SEMA4D: variants seen among roughly 807,000 people sequenced by gnomAD.
The protein encoded by SEMA4D is semaphorin-4D.
Under a neutral mutation model 74.8 loss-of-function variants are expected in SEMA4D, and 22 were observed. That is an observed-to-expected ratio of 0.29 (90% CI 0.21 to 0.42). The LOEUF (loss-of-function observed/expected upper bound fraction) is 0.42. SEMA4D is among the 10% of genes least tolerant of loss of function. The pLI is 1.00. For missense variants in SEMA4D, 937 were observed against 1,118.4 expected, an observed-to-expected ratio of 0.84 and a Z score of 2.31; for synonymous variants, 445 against 463.7, an observed-to-expected ratio of 0.96 and a Z score of 0.52.
intron 16 of SEMA4D, among the ~76,000 whole-genome samples, chr9:89,372,152 CGGGTGTGTGTGTGGG>C (rs1355339630): frequency 5.5e-5 from 1 of 18,318 alleles, no homozygotes; most frequent in Non-Finnish European, 8.9e-5. Flanking sequence ...TGGTGTGTGT[CGGGTGTGTGTGTGGG>C]GGGTGTGATG....
chr9:89,427,080 A>G (rs1220960903), intron 2 of SEMA4D, among the ~76,000 whole-genome samples: 1 of 152,184 alleles, frequency 6.6e-6, no homozygotes, highest in Non-Finnish European at 1.5e-5. Context: ...GCTGAATGTC[A>G]CAAGCCCAGT....
At chr9:89,383,929 T>G (rs1410104756) in intron 13 of SEMA4D, among the ~76,000 whole-genome samples, 3 of 152,066 alleles carry the variant, frequency 2.0e-5, no homozygotes, top group Admixed American at 6.5e-5. Flanking sequence ...GCTCTCATGC[T>G]CCCATCTCTG....
chr9:89,363,602 T>G, intron 17 of SEMA4D: 1 of 1,600,250 alleles, frequency 6.2e-7, no homozygotes, highest in Middle Eastern at 1.7e-4. Context: ...CTGGCCACCT[T>G]TCTCAATGGA....
rs763710737 is a variant in SEMA4D, at chr9:89,386,871, C to T, written c.1331-389G>A. On this transcript the variant is annotated intron_variant, in intron 12 of 15. Transcript: ENST00000422704. Reference sequence around the variant, plus strand: ...GAGGACAGGGGGCATGTGAGGTTGGCTGGGAGGCTCCAAGGGCAGGCCACA... The same window carrying T: ...GAGGACAGGGGGCATGTGAGGTTGGTTGGGAGGCTCCAAGGGCAGGCCACA... The T allele has an allele frequency of 1.3e-5, 3 of 222,480 alleles. No individual in the cohort carries two copies. The South Asian group carries it at 1.8e-4, about 14-fold the overall frequency. 13.8% of individuals were successfully genotyped at this position (222,480 alleles called of 1,614,324 possible).
Position 89,427,650 on chromosome 9 carries a change from G to C in SEMA4D, c.-243-21951C>G, listed in dbSNP as rs1848384684. Among the ~76,000 whole-genome samples, 3 of 152,246 alleles carry C rather than the reference G, an allele frequency of 2.0e-5. No individual in the cohort carries two copies. The South Asian group carries it at 6.2e-4, about 31-fold the overall frequency. ...ACCCCCCGGTCAGCAGCACCTGCAA[G>C]TGGCATTTAGTGGGGCTGACTTCAA... On this transcript the variant is annotated intron_variant, in intron 2 of 15. Coordinates refer to ENST00000422704, the MANE Select transcript of SEMA4D (RefSeq NM_001371194.2).
chr9:89,363,942 C>G (rs78977040), exon 17 of SEMA4D: 2 of 1,614,046 alleles, frequency 1.2e-6, no homozygotes, highest in Non-Finnish European at 1.7e-6. Context: ...AAGCGAATGT[C>G]TGCAGGACCT....
intron 4 of SEMA4D, 23 bp from the exon 5 acceptor site, chr9:89,399,361 A>G (rs374113958): frequency 1.3e-5 from 21 of 1,564,108 alleles, no homozygotes; most frequent in Non-Finnish European, 1.7e-5. Context: ...AGTCCATATC[A>G]GTGCATATTC....
chr9:89,429,368 A>C (rs1229207501), intron 2 of SEMA4D, among the ~76,000 whole-genome samples: 1 of 152,210 alleles, frequency 6.6e-6, no homozygotes, highest in East Asian at 1.9e-4. Context: ...GGGGGCTGTG[A>C]AGACAGTAAT....
intron 7 of SEMA4D, among the ~76,000 whole-genome samples, chr9:89,393,107 T>C (rs574506037): frequency 6.6e-6 from 1 of 152,218 alleles, no homozygotes; most frequent in Non-Finnish European, 1.5e-5. Flanking sequence ...GATAATTTCA[T>C]GCTCCATGTT....
intron 2 of SEMA4D, among the ~76,000 whole-genome samples, chr9:89,435,357 C>A (rs939324724): frequency 6.6e-6 from 1 of 152,224 alleles, no homozygotes; most frequent in African/African-American, 2.4e-5. Flanking sequence ...GGATTACAAG[C>A]ATCCCCATTC....
rs754772535 is a variant in SEMA4D at position 89,402,910 on chromosome 9, G to A, written c.213C>T (p.Phe71=). 1.9e-5 allele frequency: 31 copies of A among 1,613,990 alleles called. No homozygotes were observed. The East Asian group carries it at 2.7e-4, about 14-fold the overall frequency. ...TLYIGAREAV[F]AVNALNISEK... ...CGGAGATGTTGAGTGCGTTCACAGC[G>A]AAGACCGCCTCCCGGGCACCTATGT... is the stretch of plus-strand genomic sequence containing the variant. The change falls in exon 4 of 16, where the codon TTC becomes TTT. Residue 71 remains phenylalanine, a synonymous_variant. Coordinates refer to ENST00000422704, the MANE Select transcript of SEMA4D (RefSeq NM_001371194.2).
At chr9:89,372,409 C>T (rs1311709138), downstream of SEMA4D, among the ~76,000 whole-genome samples, 1 of 137,102 alleles carries the variant, frequency 7.3e-6, no homozygotes. Flanking sequence ...GTGTGTGTGT[C>T]TGGGGTGTGG....
At chr9:89,459,124 C>T (rs1005810331) in intron 1 of SEMA4D, among the ~76,000 whole-genome samples, 1 of 152,208 alleles carries the variant, frequency 6.6e-6, no homozygotes, top group African/African-American at 2.4e-5. Flanking sequence ...GCCATCGCAG[C>T]CTCCTAGAGA....
In SEMA4D at chr9:89,405,664, C is replaced by T; in HGVS notation, c.-208G>A. 7.1e-7 allele frequency: 1 copy of T among 1,417,472 alleles called. No individual in the cohort carries two copies. The highest frequency in any genetic ancestry group is 1.6e-5 in the South Asian group (1 of 63,338). The allele number at this position is 1,417,472 out of a possible 1,614,324, so 87.8% of individuals were successfully genotyped here. The stretch of plus-strand genomic sequence containing the variant: ...CGCTCTCACCACCGCAATGTCAAAG[C>T]CCACTTGATACTTCTTCAGGGCCTC... On this transcript the variant is annotated 5_prime_UTR_variant, in exon 3 of 16. Transcript: ENST00000422704.
intron 16 of SEMA4D, among the ~76,000 whole-genome samples, chr9:89,372,097 G>A (rs1483176647): frequency 1.8e-5 from 1 of 57,042 alleles, no homozygotes; most frequent in Admixed American, 1.7e-4. Flanking sequence ...GTGTGTGTGG[G>A]GGGTGTGATG....
chr9:89,397,411 T>C (rs963225804), intron 5 of SEMA4D, among the ~76,000 whole-genome samples: 2 of 152,120 alleles, frequency 1.3e-5, no homozygotes, highest in Non-Finnish European at 2.9e-5. Flanking sequence ...ACAGCGACAC[T>C]AGGTCTACCC....
intron 2 of SEMA4D, among the ~76,000 whole-genome samples, chr9:89,417,431 T>C (rs1008813791): frequency 3.3e-5 from 5 of 152,230 alleles, no homozygotes; most frequent in African/African-American, 1.2e-4. Flanking sequence ...AGGTCTAAGC[T>C]GGCAGCAGGA....
intron 13 of SEMA4D, among the ~76,000 whole-genome samples, chr9:89,382,363 T>C (rs1284830770): frequency 6.6e-6 from 1 of 152,142 alleles, no homozygotes; most frequent in Non-Finnish European, 1.5e-5. Context: ...GACTTAGTGG[T>C]TTACAGTCAG....
intron 2 of SEMA4D, chr9:89,418,430 A>G (rs1587734045): frequency 1.0e-6 from 1 of 985,470 alleles, no homozygotes; most frequent in East Asian, 1.1e-4. Context: ...CATTCCAGTT[A>G]GCAGAGTCTG....
Sources: gnomAD v4.1 joint callset for allele counts (sites outside exome capture counted in the v4.1 genomes callset) on GRCh38, gnomAD v4.1.1 for gene constraint, MANE v1.5 for transcripts, NCBI Gene and HGNC (gene_info 2026-07-23, HGNC 2026-07-21) for gene names.